Variants in PLEKHA5 observed in about 807,000 individuals in gnomAD.
The protein encoded by PLEKHA5 is pleckstrin homology domain-containing family A member 5.
In PLEKHA5, 55 loss-of-function variants were observed where a neutral mutation model predicts 181.9. That is an observed-to-expected ratio of 0.30 (90% CI 0.24 to 0.38). The LOEUF is 0.38. PLEKHA5 is among the 10% of genes least tolerant of loss of function. PLEKHA5 has a pLI of 1.00. For missense variants in PLEKHA5, 1,432 were observed against 1,549.5 expected (o/e 0.92, Z 1.27); for synonymous variants, 535 against 529.4 (o/e 1.01, Z -0.15).
chr12:19,316,577 T>C (rs1222246922), intron 16 of PLEKHA5, among the ~76,000 whole-genome samples: 1 of 152,140 alleles, frequency 6.6e-6, no homozygotes, highest in Non-Finnish European at 1.5e-5. Flanking sequence ...GATCTGAATG[T>C]CTAATGTCAG....
intron 29 of PLEKHA5, among the ~76,000 whole-genome samples, chr12:19,363,195 C>T (rs1217721699): frequency 6.7e-5 from 10 of 149,516 alleles, no homozygotes; most frequent in Non-Finnish European, 1.0e-4. Flanking sequence ...AGTGCAATGG[C>T]GCAATCTTGG....
intron 10 of PLEKHA5, among the ~76,000 whole-genome samples, chr12:19,272,540 A>C (rs2073200801): frequency 6.6e-6 from 1 of 152,062 alleles, no homozygotes; most frequent in Non-Finnish European, 1.5e-5. Context: ...GGAGTTCAAG[A>C]CCAACCTAGG....
chr12:19,352,726 A>G (rs766551971), intron 25 of PLEKHA5, among the ~76,000 whole-genome samples: 3 of 150,518 alleles, frequency 2.0e-5, no homozygotes, highest in Non-Finnish European at 4.4e-5. Context: ...AAAAGAGGGC[A>G]TTTTATAATT....
At chr12:19,277,259 G>A (rs1396452745) in intron 11 of PLEKHA5, among the ~76,000 whole-genome samples, 1 of 152,122 alleles carries the variant, frequency 6.6e-6, no homozygotes, top group Non-Finnish European at 1.5e-5. Context: ...TGCTCACCAA[G>A]TTAAATCTTA....
chr12:19,182,196 A>C (rs1434202522), intron 3 of PLEKHA5, among the ~76,000 whole-genome samples: 1 of 152,208 alleles, frequency 6.6e-6, no homozygotes, highest in Non-Finnish European at 1.5e-5. Flanking sequence ...TAAAATTTTA[A>C]GTTTTTTGTT....
chr12:19,218,998 T>A (rs1246455506), intron 3 of PLEKHA5, among the ~76,000 whole-genome samples: 1 of 151,656 alleles, frequency 6.6e-6, no homozygotes, highest in Non-Finnish European at 1.5e-5. Context: ...ATTGTGCAGG[T>A]TACAAATAAT....
intron 30 of PLEKHA5, among the ~76,000 whole-genome samples, chr12:19,367,822 G>A (rs1031706562): frequency 2.7e-5 from 4 of 150,782 alleles, no homozygotes; most frequent in South Asian, 2.1e-4. Context: ...TCCTGGCCTC[G>A]TGATCCGCCC....
intron 20 of PLEKHA5, among the ~76,000 whole-genome samples, chr12:19,332,791 C>T (rs371934527): frequency 1.4e-3 from 214 of 152,330 alleles, no homozygotes; most frequent in Middle Eastern, 3.4e-3. Context: ...TCCCAAGTAG[C>T]TGGGACTACA....
chr12:19,273,407 A>T (rs1369569659), intron 10 of PLEKHA5, among the ~76,000 whole-genome samples: 2 of 151,746 alleles, frequency 1.3e-5, no homozygotes, highest in Non-Finnish European at 2.9e-5. Flanking sequence ...AAGCTTCTAG[A>T]TATCTTCATC....
chr12:19,354,568 C>T (rs1263868189), intron 26 of PLEKHA5, among the ~76,000 whole-genome samples: 1 of 149,484 alleles, frequency 6.7e-6, no homozygotes. Flanking sequence ...GCAAACTCTG[C>T]CTCCCGGGTT....
At chr12:19,291,017 C>G (rs922314934) in intron 14 of PLEKHA5, among the ~76,000 whole-genome samples, 14 of 151,870 alleles carry the variant, frequency 9.2e-5, no homozygotes, top group African/African-American at 3.4e-4. Context: ...CCTTCTACCC[C>G]ACCCGCTCAC....
rs1277889648 is a variant in PLEKHA5, at chr12:19,269,879, T to A, written c.821T>A (p.Val274Glu). Residue 274 changes from valine (V) to glutamate (E), a missense_variant, in exon 9 of 32, where the codon GTG becomes GAG. By Grantham distance (121) the Val-to-Glu change is moderately radical (BLOSUM62 -2). Transcript: ENST00000429027. ...GCTGCCCTAGTACAGACAGAACCTG[T>A]GAAAAGGTAAAGGCTTGTAGAAAAA... ...LDAALVQTEP[V>E]KRITFNFRVD... 4 of 1,525,170 alleles carry A rather than the reference T, an allele frequency of 2.6e-6. No individual in the cohort carries two copies. The highest frequency in any genetic ancestry group is 3.6e-6 in the Non-Finnish European group (4 of 1,100,536). 94.5% of individuals were successfully genotyped at this position (1,525,170 alleles called of 1,614,324 possible).
intron 3 of PLEKHA5, among the ~76,000 whole-genome samples, chr12:19,183,177 G>A (rs2049001557): frequency 6.6e-6 from 1 of 152,162 alleles, no homozygotes; most frequent in Admixed American, 6.6e-5. Context: ...AACTTAAGGA[G>A]TCATGAAAAG....
chr12:19,330,125 T>C (rs1036597538), intron 20 of PLEKHA5, among the ~76,000 whole-genome samples: 3 of 152,196 alleles, frequency 2.0e-5, no homozygotes, highest in African/African-American at 7.2e-5. Flanking sequence ...TATTTAAATC[T>C]TCCCCTGTGT....
chr12:19,247,747 T>C (rs921209623), intron 3 of PLEKHA5, among the ~76,000 whole-genome samples: 10 of 151,488 alleles, frequency 6.6e-5, no homozygotes, highest in African/African-American at 2.4e-4. Flanking sequence ...TGGTATCTTT[T>C]CTTTTTTTAA....
rs550470228 is a variant in PLEKHA5 at position 19,198,799 on chromosome 12, A to G, written c.228-55141A>G. On this transcript the variant is annotated intron_variant, in intron 3 of 31. Coordinates refer to ENST00000429027, the MANE Select transcript of PLEKHA5 (RefSeq NM_001256470.2). The stretch of plus-strand genomic sequence containing the variant: ...GATTTTGGGGAAAGGAGCGCTAAGA[A>G]ATATTTATTTTTCTGTCTTTTAGCA... 2.0e-5 allele frequency among the ~76,000 whole-genome samples: 3 copies of G among 152,292 alleles called. No individual in the cohort carries two copies. In the East Asian group the frequency reaches 5.8e-4, roughly 29 times the overall value.
At chr12:19,149,752 T>A (rs2039927857) in intron 3 of PLEKHA5, 1 of 152,154 alleles carries the variant, frequency 6.6e-6, no homozygotes, top group Admixed American at 6.5e-5. Context: ...AGGTTCCGGC[T>A]TCATCTGCTA....
rs148537812 is a variant in PLEKHA5 at position 19,162,007 on chromosome 12, A to G, written c.227+29557A>G. Among the ~76,000 whole-genome samples, 4 of 152,306 alleles carry G rather than the reference A, an allele frequency of 2.6e-5. No homozygotes were observed. In the East Asian group the frequency reaches 5.8e-4, roughly 22 times the overall value. On this transcript the variant is annotated intron_variant, in intron 3 of 31. Transcript: ENST00000429027. Reference sequence around the variant, plus strand: ...ATTTGATATGAAATATCTAAATTCTATTGGTGACAAATCAGAGATACTGCT... The same window carrying G: ...ATTTGATATGAAATATCTAAATTCTGTTGGTGACAAATCAGAGATACTGCT...
intron 15 of PLEKHA5, 150 bp downstream of exon 15, chr12:19,291,847 G>T: frequency 1.9e-6 from 1 of 536,624 alleles, no homozygotes; most frequent in Non-Finnish European, 3.2e-6. Context: ...TGACCAGGTG[G>T]ATTCAGGAAT....
Sources: gnomAD v4.1 joint callset for allele counts (sites outside exome capture counted in the v4.1 genomes callset) on GRCh38, gnomAD v4.1.1 for gene constraint, MANE v1.5 for transcripts, NCBI Gene and HGNC (gene_info 2026-07-23, HGNC 2026-07-21) for gene names.